Variants in ASB3 observed in about 807,000 individuals in gnomAD.
ASB3 encodes ankyrin repeat and SOCS box containing 3.
Under a neutral mutation model 54.5 loss-of-function variants are expected in ASB3, and 41 were observed. The observed-to-expected ratio is 0.75, with a 90% CI of 0.59 to 0.98. The LOEUF (loss-of-function observed/expected upper bound fraction) is 0.98. Ranked by LOEUF, ASB3 falls within the 50% of genes least tolerant of loss-of-function variation. The probability of loss-of-function intolerance (pLI) is 0.00; values close to 1 mark genes in which losing one functional copy is unlikely to be tolerated. For synonymous variants in ASB3, 266 were observed against 221.2 expected (o/e 1.20, Z -1.80); for missense variants, 733 against 620.0 (o/e 1.18, Z -1.94).
At chr2:53,720,244 C>G (rs768109434) in intron 5 of ASB3, among the ~76,000 whole-genome samples, 1 of 152,062 alleles carries the variant, frequency 6.6e-6, no homozygotes, top group African/African-American at 2.4e-5. Flanking sequence ...CAATGTATAT[C>G]TTATATATGT....
At chr2:53,678,757 C>A (rs775708311) in intron 9 of ASB3, among the ~76,000 whole-genome samples, 2 of 152,152 alleles carry the variant, frequency 1.3e-5, no homozygotes, top group Non-Finnish European at 2.9e-5. Flanking sequence ...CATTCTGCCT[C>A]CCCCTCTTCT....
At chr2:53,695,689 G>C (rs1260008880) in intron 8 of ASB3, among the ~76,000 whole-genome samples, 1 of 152,000 alleles carries the variant, frequency 6.6e-6, no homozygotes, top group Non-Finnish European at 1.5e-5. Context: ...TTACTACAGA[G>C]ACCATTACAT....
At chr2:53,671,547 G>A (rs1341731143) in intron 9 of ASB3, among the ~76,000 whole-genome samples, 3 of 152,240 alleles carry the variant, frequency 2.0e-5, no homozygotes, top group Middle Eastern at 3.4e-3. Flanking sequence ...ATCACCTGAC[G>A]TCAGGAGTTC....
In ASB3 at chr2:53,670,592, G is replaced by A. The variant is rs770834302; in HGVS notation, c.1468C>T (p.Leu490Phe). ...AAATAATTATGTAGGCTTCTGGGAA[G>A]TGGCAGCTGACTAATATAACTGTCA... ...RSDSYISQLP[L>F]PRSLHNYLLY... is the part of the protein sequence containing the mutation. Residue 490 changes from leucine to phenylalanine, a missense_variant, in exon 10 of 10, where the codon CTT (leucine) becomes TTT (phenylalanine). Coordinates refer to ENST00000263634, the MANE Select transcript of ASB3 (RefSeq NM_016115.5). The A allele has an allele frequency of 1.2e-6, 2 of 1,614,044 alleles. No individual in the cohort carries two copies. Among genetic ancestry groups the A allele is most frequent in the Non-Finnish European group, 1.7e-6 (2 of 1,179,992 alleles).
Position 53,693,952 on chromosome 2 carries a change from A to T in ASB3, c.1301T>A (p.Leu434His). ...FTLEFTNWKTLAPAVERMLSA... is the reference protein window; with the variant it reads ...FTLEFTNWKTHAPAVERMLSA... ...GAGCATCCTTTCAACAGCTGGTGCA[A>T]GTGTCTTCCAATTAGTAAACTCCAA... Residue 434 changes from leucine to histidine, a missense_variant, in exon 9 of 10, where the codon CTT becomes CAT. By Grantham distance (99) the Leu-to-His change is moderately conservative. Coordinates refer to ENST00000263634, the MANE Select transcript of ASB3 (RefSeq NM_016115.5). 6.2e-7 allele frequency: 1 copy of T among 1,613,650 alleles called. No individual in the cohort carries two copies. The highest frequency in any genetic ancestry group is 8.5e-7 in the Non-Finnish European group (1 of 1,179,638).
chr2:53,721,280 C>G (rs768923363), intron 5 of ASB3, among the ~76,000 whole-genome samples: 8 of 150,892 alleles, frequency 5.3e-5, no homozygotes, highest in African/African-American at 7.3e-5. Flanking sequence ...CTTGGCTGGG[C>G]ACAGTGGTTC....
rs11553661 is a variant in ASB3, at chr2:53,693,919, C to A, written c.1334G>T (p.Arg445Leu). ...APAVERMLSA[R>L]ASNAWILQQH... is the part of the protein sequence containing the mutation. ...CTGTAGAATCCAAGCGTTTGAGGCA[C>A]GAGCAGAGAGCATCCTTTCAACAGC... The change falls in exon 9 of 10, where the codon CGT becomes CTT. Residue 445 changes from arginine to leucine, a missense_variant. Arg to Leu is a moderately radical substitution (Grantham distance 102). Coordinates refer to ENST00000263634, the MANE Select transcript of ASB3 (RefSeq NM_016115.5). 1.2e-6 allele frequency: 2 copies of A among 1,613,476 alleles called. No homozygotes were observed. Among genetic ancestry groups the A allele is most frequent in the East Asian group, 2.2e-5 (1 of 44,856 alleles).
At chr2:53,712,030 C>T (rs1469034906) in intron 7 of ASB3, among the ~76,000 whole-genome samples, 2 of 151,896 alleles carry the variant, frequency 1.3e-5, no homozygotes, top group Admixed American at 6.6e-5. Context: ...GTAACTGAGA[C>T]ATAAAAAGCA....
At chr2:53,768,162 G>T (rs1673626089) in intron 1 of ASB3, 2 of 976,356 alleles carry the variant, frequency 2.0e-6, no homozygotes, top group East Asian at 2.7e-5. Flanking sequence ...CATTTCTGTA[G>T]ATTTTCCCTG....
chr2:53,759,576 C>T (rs960048769), intron 2 of ASB3, among the ~76,000 whole-genome samples: 8 of 151,996 alleles, frequency 5.3e-5, no homozygotes, highest in East Asian at 1.9e-4. Flanking sequence ...ACGGGATAAA[C>T]GGGATAAGAA....
intron 3 of ASB3, among the ~76,000 whole-genome samples, chr2:53,733,510 C>T (rs536295152): frequency 4.0e-5 from 6 of 151,442 alleles, no homozygotes; most frequent in South Asian, 2.1e-4. Flanking sequence ...AGCACTATTT[C>T]GGCTCACAGC....
At chr2:53,702,608 C>T (rs1022605842) in intron 7 of ASB3, among the ~76,000 whole-genome samples, 2 of 152,094 alleles carry the variant, frequency 1.3e-5, no homozygotes, top group African/African-American at 4.8e-5. Context: ...CATAGAGGGA[C>T]TGTACATTAT....
At chr2:53,707,422 C>A (rs1669841787) in intron 7 of ASB3, among the ~76,000 whole-genome samples, 1 of 151,914 alleles carries the variant, frequency 6.6e-6, no homozygotes, top group South Asian at 2.1e-4. Flanking sequence ...GCGGGCAGAT[C>A]ACTGGAGCTC....
At position 53,765,671 on chromosome 2, in the gene ASB3, T is replaced by TA. The variant is rs952261293; in HGVS notation, c.-13-87dup. ...GTCAGCAAATCACGGTGGGCCTGTC[T>TA]AGTATCTCTCACATGACTGACGAAG... On this transcript the variant is annotated intron_variant, in intron 1 of 9. Coordinates refer to ENST00000263634, the MANE Select transcript of ASB3 (RefSeq NM_016115.5). The TA allele has an allele frequency of 5.3e-6, 8 of 1,498,122 alleles. No homozygotes were observed. In the African/African-American group the frequency reaches 1.1e-4, roughly 21 times the overall value. 92.8% of individuals were successfully genotyped at this position (1,498,122 alleles called of 1,614,324 possible).
chr2:53,770,374 G>A (rs1573008880), intron 1 of ASB3, among the ~76,000 whole-genome samples: 2 of 151,982 alleles, frequency 1.3e-5, no homozygotes, highest in South Asian at 2.1e-4. Flanking sequence ...ATTTAGGCTC[G>A]CTATGTGCCA....
intron 9 of ASB3, 137 bp from the exon 10 acceptor site, chr2:53,670,827 T>A: frequency 9.9e-7 from 1 of 1,011,936 alleles, no homozygotes. Flanking sequence ...TTTGAGTCAG[T>A]ATGACCACAA....
At chr2:53,674,221 G>C (rs1203533836) in intron 9 of ASB3, among the ~76,000 whole-genome samples, 1 of 152,102 alleles carries the variant, frequency 6.6e-6, no homozygotes, top group East Asian at 1.9e-4. Context: ...CATGTTCTTG[G>C]ATTATGGCAG....
At chr2:53,702,934 G>C (rs756422413) in intron 7 of ASB3, among the ~76,000 whole-genome samples, 1 of 152,148 alleles carries the variant, frequency 6.6e-6, no homozygotes, top group Non-Finnish European at 1.5e-5. Flanking sequence ...AATGGCTTTC[G>C]ACCATTAGCT....
chr2:53,763,284 GGGAGGT>G (rs1433957643), intron 2 of ASB3, among the ~76,000 whole-genome samples: 1 of 152,156 alleles, frequency 6.6e-6, no homozygotes, highest in African/African-American at 2.4e-5. Flanking sequence ...GCTTGAATCT[GGGAGGT>G]GGAGGTGGTG....
Sources: gnomAD v4.1 joint callset for allele counts (sites outside exome capture counted in the v4.1 genomes callset) on GRCh38, gnomAD v4.1.1 for gene constraint, MANE v1.5 for transcripts, NCBI Gene and HGNC (gene_info 2026-07-23, HGNC 2026-07-21) for gene names.